Variants in OR14A16 observed in about 807,000 individuals in gnomAD.
OR14A16 encodes the protein olfactory receptor 14A16.
For missense variants in OR14A16, 341 were observed against 366.5 expected (o/e 0.93, Z 0.57); for synonymous variants, 135 against 137.6 (o/e 0.98, Z 0.13).
rs781685272 is a variant in OR14A16, at chr1:247,820,892, G to C, written c.-130-1715C>G. Reference sequence around the variant, plus strand: ...AAAAAAAAAAATCTTTATTTTTCATGTAGGCATTGGTGCTGTAAATTTTCT... The same window carrying C: ...AAAAAAAAAAATCTTTATTTTTCATCTAGGCATTGGTGCTGTAAATTTTCT... On this transcript the variant is annotated intron_variant, in intron 1 of 2. Coordinates refer to ENST00000641093, the MANE Select transcript of OR14A16 (RefSeq NM_001001966.2). 3.2e-4 allele frequency among the ~76,000 whole-genome samples: 48 copies of C among 151,274 alleles called. 1 individual carries two copies. The highest frequency in any genetic ancestry group is 6.9e-4 in the Non-Finnish European group (47 of 67,876).
In OR14A16 at chr1:247,823,940, G is replaced by C. The variant is rs1312647975; in HGVS notation, c.-131+13C>G. On this transcript the variant is annotated intron_variant, in intron 1 of 2. Transcript: ENST00000641093. ...CAGATAAGCTGTAAAATTTAATACC[G>C]TTCCAACAATACCTTTACAATTGAA... 1 of 152,116 alleles carries C rather than the reference G, an allele frequency of 6.6e-6. No homozygotes were observed. The highest frequency in any genetic ancestry group is 2.4e-5 in the African/African-American group (1 of 41,410). The allele number at this position is 152,116 out of a possible 1,614,324, so 9.4% of individuals were successfully genotyped here.
intron 1 of OR14A16, among the ~76,000 whole-genome samples, chr1:247,820,458 G>T (rs1483040056): frequency 1.3e-5 from 2 of 151,882 alleles, no homozygotes; most frequent in East Asian, 1.9e-4. Context: ...ATTTTTCTCT[G>T]CTTTTTTCTT....
At chr1:247,819,626 A>T (rs186334450) in intron 1 of OR14A16, among the ~76,000 whole-genome samples, 14 of 152,244 alleles carry the variant, frequency 9.2e-5, no homozygotes, top group African/African-American at 3.4e-4. Flanking sequence ...TAGATAGTGA[A>T]ATAATAATAC....
intron 2 of OR14A16, among the ~76,000 whole-genome samples, chr1:247,817,004 G>T (rs753583582): frequency 1.3e-5 from 2 of 152,136 alleles, no homozygotes; most frequent in Non-Finnish European, 2.9e-5. Flanking sequence ...TGGGGCAGGG[G>T]AGAAGGATCG....
At chr1:247,819,475 T>C (rs1254889073) in intron 1 of OR14A16, among the ~76,000 whole-genome samples, 2 of 152,172 alleles carry the variant, frequency 1.3e-5, no homozygotes, top group Non-Finnish European at 2.9e-5. Flanking sequence ...TCATGGGAAG[T>C]AGTTTGTTTA....
intron 2 of OR14A16, among the ~76,000 whole-genome samples, chr1:247,817,888 T>G (rs1217578965): frequency 6.6e-6 from 1 of 152,134 alleles, no homozygotes; most frequent in African/African-American, 2.4e-5. Context: ...GATACTATAA[T>G]GTGCCAAAAG....
chr1:247,816,556 A>G (rs986421627), intron 2 of OR14A16, among the ~76,000 whole-genome samples: 1 of 152,060 alleles, frequency 6.6e-6, no homozygotes. Context: ...GCGAGACCCC[A>G]TCTCTGCTAA....
chr1:247,819,882 C>T (rs775683883), intron 1 of OR14A16, among the ~76,000 whole-genome samples: 1 of 152,110 alleles, frequency 6.6e-6, no homozygotes, highest in Non-Finnish European at 1.5e-5. Flanking sequence ...TAGCAGTGGG[C>T]TTGTGATTTA....
Position 247,815,256 on chromosome 1 carries a change from T to G in OR14A16, c.474A>C (p.Thr158=), listed in dbSNP as rs1046097850. 5.0e-6 allele frequency: 8 copies of G among 1,613,904 alleles called. No individual in the cohort carries two copies. Among genetic ancestry groups the G allele is most frequent in the Non-Finnish European group, 6.8e-6 (8 of 1,179,770 alleles). Residue 158 remains threonine (T), a synonymous_variant, in exon 3 of 3, where the codon ACA becomes ACC. Coordinates refer to ENST00000641093, the MANE Select transcript of OR14A16 (RefSeq NM_001001966.2). Reference sequence around the variant, plus strand: ...AGTAGGATAAGGAGAAGGTGCCAGCTGTGTGCATCACAGCAATCAGACCCC... The same window carrying G: ...AGTAGGATAAGGAGAAGGTGCCAGCGGTGTGCATCACAGCAATCAGACCCC... ...LYGGLIAVMH[T]AGTFSLSYCG... is the part of the protein sequence containing the mutation.
intron 2 of OR14A16, among the ~76,000 whole-genome samples, chr1:247,818,452 G>A (rs1662667447): frequency 6.6e-6 from 1 of 152,170 alleles, no homozygotes; most frequent in African/African-American, 2.4e-5. Flanking sequence ...TTTATTCACT[G>A]TTCAGAATAG....
intron 1 of OR14A16, among the ~76,000 whole-genome samples, chr1:247,820,512 T>G (rs1158368627): frequency 6.6e-6 from 1 of 152,148 alleles, no homozygotes; most frequent in Non-Finnish European, 1.5e-5. Flanking sequence ...AGTTTGCTCT[T>G]TTTTCTCTAG....
At chr1:247,820,907 G>A (rs1662725623) in intron 1 of OR14A16, among the ~76,000 whole-genome samples, 1 of 151,666 alleles carries the variant, frequency 6.6e-6, no homozygotes, top group Non-Finnish European at 1.5e-5. Context: ...CATTGGTGCT[G>A]TAAATTTTCT....
In OR14A16 at chr1:247,815,095, A is replaced by T. The variant is rs920170913; in HGVS notation, c.635T>A (p.Ile212Asn). 2.5e-6 allele frequency: 4 copies of T among 1,614,006 alleles called. No homozygotes were observed. Among genetic ancestry groups the T allele is most frequent in the Non-Finnish European group, 3.4e-6 (4 of 1,179,862 alleles). ...GAAGACGTGGACATAGGTAATGATG[A>T]TGACAATAAAACAGCAGAAATCCAA... ...VVLDFCCFIV[I>N]IITYVHVFST... Residue 212 changes from isoleucine (I) to asparagine (N), a missense_variant, in exon 3 of 3, where the codon ATC becomes AAC. Coordinates refer to ENST00000641093, the MANE Select transcript of OR14A16 (RefSeq NM_001001966.2).
intron 2 of OR14A16, among the ~76,000 whole-genome samples, chr1:247,818,288 G>A (rs2103283796): frequency 6.6e-6 from 1 of 152,208 alleles, no homozygotes; most frequent in East Asian, 1.9e-4. Context: ...ACTGTTGGAG[G>A]GAATGTAAAT....
chr1:247,815,815 ATATAT>A, intron 2 of OR14A16, 71 bp from the exon 3 acceptor site: 1 of 623,286 alleles, frequency 1.6e-6, no homozygotes, highest in Non-Finnish European at 2.7e-6. Flanking sequence ...TATATAACAC[ATATAT>A]TATTTAGCAT....
chr1:247,821,568 G>A (rs1477174619), intron 1 of OR14A16, among the ~76,000 whole-genome samples: 1 of 147,330 alleles, frequency 6.8e-6, no homozygotes. Flanking sequence ...TGTAAGTATA[G>A]CTACCTCTGC....
chr1:247,820,856 G>GTC (rs1662722963), intron 1 of OR14A16, among the ~76,000 whole-genome samples: 1 of 129,266 alleles, frequency 7.7e-6, no homozygotes, highest in African/African-American at 3.2e-5. Context: ...GTAAAGCACC[G>GTC]TCTCAAAAAA....
At position 247,820,055 on chromosome 1, in the gene OR14A16, A is replaced by T. The variant is rs1032758343; in HGVS notation, c.-130-878T>A. Among the ~76,000 whole-genome samples the T allele has an allele frequency of 3.3e-5, 5 of 152,218 alleles. No individual in the cohort carries two copies. In the East Asian group the frequency reaches 9.6e-4, roughly 29 times the overall value. On this transcript the variant is annotated intron_variant, in intron 1 of 2. Transcript: ENST00000641093. ...ATTTGCATATTCTAAACCCACTTGCATCTGAAGGAAAAATCCAGATTTATT... is the reference window on the plus strand; with the variant it reads ...ATTTGCATATTCTAAACCCACTTGCTTCTGAAGGAAAAATCCAGATTTATT...
chr1:247,815,322 C>A lies in OR14A16; in HGVS notation c.408G>T (p.Arg136Ser). 1 of 1,614,066 alleles carries A rather than the reference C, an allele frequency of 6.2e-7. No individual in the cohort carries two copies. The highest frequency in any genetic ancestry group is 8.5e-7 in the Non-Finnish European group (1 of 1,180,006). Reference protein sequence around the residue: ...HPLHYDVIMDRSTCVQRATVS... With the variant: ...HPLHYDVIMDSSTCVQRATVS... ...CAGTGGCTCTTTGGACACAGGTGCT[C>A]CTGTCCATGATGACATCATAGTGCA... Residue 136 changes from arginine (R) to serine (S), a missense_variant, in exon 3 of 3, where the codon AGG becomes AGT. By Grantham distance (110) the Arg-to-Ser change is moderately radical (BLOSUM62 -1). Transcript: ENST00000641093.
Sources: gnomAD v4.1 joint callset for allele counts (sites outside exome capture counted in the v4.1 genomes callset) on GRCh38, gnomAD v4.1.1 for gene constraint, MANE v1.5 for transcripts, NCBI Gene and HGNC (gene_info 2026-07-23, HGNC 2026-07-21) for gene names.